COQ2: variants seen among roughly 807,000 people sequenced by gnomAD.
COQ2 encodes coenzyme Q2, polyprenyltransferase.
COQ2 carries 25 observed loss-of-function variants against 35.7 expected under a neutral mutation model. That is an observed-to-expected ratio of 0.70 (90% CI 0.51 to 0.98). The LOEUF (loss-of-function observed/expected upper bound fraction) is 0.98. Among genes scored for constraint, COQ2 ranks in the 50% least tolerant of loss-of-function variants. The pLI is 0.00. For synonymous variants in COQ2, 206 were observed against 186.2 expected (o/e 1.11, Z -0.86); for missense variants, 488 against 473.5 (o/e 1.03, Z -0.28).
chr4:83,269,723 A>T, intron 5 of COQ2, 137 bp downstream of exon 5: 1 of 819,292 alleles, frequency 1.2e-6, no homozygotes, highest in Non-Finnish European at 1.8e-6. Context: ...AGAAAAAAAA[A>T]ATTCTTCCTC....
At chr4:83,266,589 C>T (rs1168346991) in intron 6 of COQ2, 1 of 152,400 alleles carries the variant, frequency 6.6e-6, no homozygotes, top group East Asian at 1.9e-4. Context: ...CTCCTGACCT[C>T]AGGTGATCCA....
chr4:83,283,623 C>G lies in COQ2; in HGVS notation c.253+889G>C, dbSNP rs56767106. On this transcript the variant is annotated intron_variant, in intron 1 of 6. Transcript: ENST00000647002. ...TCACTCATATTTGATCCATATTTTC[C>G]TAGCTCACCAAATAGTCTTTTTCAA... 2.6e-3 allele frequency: 2,531 copies of G among 985,370 alleles called. 67 individuals carry two copies. The African/African-American group carries it at 0.042, about 16-fold the overall frequency. The allele number at this position is 985,370 out of a possible 1,614,324, so 61.0% of individuals were successfully genotyped here. A position where few individuals can be genotyped will look rare whatever the true frequency, so the allele number is the denominator to read the frequency against.
intron 1 of COQ2, chr4:83,282,577 C>T: frequency 2.1e-6 from 2 of 934,934 alleles, no homozygotes; most frequent in Non-Finnish European, 2.6e-6. Context: ...TCCAAACATA[C>T]ACAATCTGTA....
At chr4:83,272,293 T>C (rs1170910277) in intron 3 of COQ2, 121 bp from the exon 4 acceptor site, 1 of 529,084 alleles carries the variant, frequency 1.9e-6, no homozygotes, top group African/African-American at 2.0e-5. Context: ...TAAATTATAT[T>C]TTATGTAAGT....
intron 4 of COQ2, among the ~76,000 whole-genome samples, chr4:83,270,849 T>A (rs1356510897): frequency 1.3e-5 from 2 of 152,160 alleles, no homozygotes; most frequent in Non-Finnish European, 2.9e-5. Context: ...GAAGTAAATG[T>A]AGGGGTTCAG....
chr4:83,269,780 A>G lies in COQ2; in HGVS notation c.762+80T>C, dbSNP rs1361794909. ...CTTAAAAAACAACAACAAATTTTAG[A>G]AAAAAATGCTTTCTCCTTAATTTGG... On this transcript the variant is annotated intron_variant, in intron 5 of 6. Transcript: ENST00000647002. 7 of 1,201,390 alleles carry G rather than the reference A, an allele frequency of 5.8e-6. No homozygotes were observed. In the East Asian group the frequency reaches 1.2e-4, roughly 21 times the overall value. The allele number at this position is 1,201,390 out of a possible 1,614,324, so 74.4% of individuals were successfully genotyped here. A position where few individuals can be genotyped will look rare whatever the true frequency, so the allele number is the denominator to read the frequency against.
rs1278001387 is a variant in COQ2, at chr4:83,284,242, G to C, written c.253+270C>G. ...GATGCAGACAGACGTGAAACTGGCG[G>C]GTCCTTTAGGAGACTGTCCCGACTG... On this transcript the variant is annotated intron_variant, in intron 1 of 6. Coordinates refer to ENST00000647002, the MANE Select transcript of COQ2 (RefSeq NM_001358921.2). 4 of 985,348 alleles carry C rather than the reference G, an allele frequency of 4.1e-6. No homozygotes were observed. In the African/African-American group the frequency reaches 5.2e-5, roughly 13 times the overall value. 61.0% of individuals were successfully genotyped at this position (985,348 alleles called of 1,614,324 possible).
intron 2 of COQ2, among the ~76,000 whole-genome samples, chr4:83,276,007 T>C (rs1288302073): frequency 1.5e-5 from 1 of 68,000 alleles, no homozygotes; most frequent in South Asian, 5.2e-4. Flanking sequence ...ATAGAATATA[T>C]ATTATATATA....
In COQ2 at chr4:83,284,782, G is replaced by A; in HGVS notation, c.-18C>T. 7.7e-6 allele frequency: 12 copies of A among 1,564,612 alleles called. No individual in the cohort carries two copies. The highest frequency in any genetic ancestry group is 1.0e-5 in the Non-Finnish European group (12 of 1,162,408). On this transcript the variant is annotated 5_prime_UTR_variant, in exon 1 of 7. Transcript: ENST00000647002. ...CCCAGCATGGCGCTGGTGAGGCCGGGACGAGCTCGGATTGACGTCATTCCC... is the reference window on the plus strand; with the variant it reads ...CCCAGCATGGCGCTGGTGAGGCCGGAACGAGCTCGGATTGACGTCATTCCC...
At chr4:83,272,393 AAC>A (rs1332522451) in intron 3 of COQ2, among the ~76,000 whole-genome samples, 2 of 152,238 alleles carry the variant, frequency 1.3e-5, no homozygotes, top group Non-Finnish European at 2.9e-5. Context: ...AATAATAGCT[AAC>A]ACATACAGTA....
rs558319036 is a variant in COQ2 at position 83,273,237 on chromosome 4, C to G, written c.542+259G>C. ...GCACTTAGAAAACCTATGAAATTGCCTTGTGTCCCTTAGGGAATGTAGTAC... is the reference window on the plus strand; with the variant it reads ...GCACTTAGAAAACCTATGAAATTGCGTTGTGTCCCTTAGGGAATGTAGTAC... On this transcript the variant is annotated intron_variant, in intron 3 of 6. Transcript: ENST00000647002. Among the ~76,000 whole-genome samples, 3 of 152,322 alleles carry G rather than the reference C, an allele frequency of 2.0e-5. 1 individual carries two copies. The South Asian group carries it at 6.2e-4, about 32-fold the overall frequency.
chr4:83,284,539 G>A lies in COQ2; in HGVS notation c.226C>T (p.Arg76Cys), dbSNP rs868158482. 3 of 1,575,430 alleles carry A rather than the reference G, an allele frequency of 1.9e-6. No homozygotes were observed. The highest frequency in any genetic ancestry group is 2.6e-6 in the Non-Finnish European group (3 of 1,162,288). ...ATGGGCTTGTCCAACCGCATGAGGC[G>A]CAAGTACGGCTGCAGGGGGCGGGGC... ...SAPRPLQPYL[R>C]LMRLDKPIGT... Residue 76 changes from arginine (R) to cysteine (C), a missense_variant, in exon 1 of 7, where the codon CGC becomes TGC. By Grantham distance (180) the Arg-to-Cys change is radical. Coordinates refer to ENST00000647002, the MANE Select transcript of COQ2 (RefSeq NM_001358921.2).
chr4:83,265,823 C>T (rs1423967386), intron 6 of COQ2, among the ~76,000 whole-genome samples: 1 of 151,908 alleles, frequency 6.6e-6, no homozygotes, highest in Non-Finnish European at 1.5e-5. Flanking sequence ...CACCACCATG[C>T]CCAGCTAATT....
intron 2 of COQ2, among the ~76,000 whole-genome samples, chr4:83,276,087 T>A (rs1284062239): frequency 7.8e-6 from 1 of 128,918 alleles, no homozygotes; most frequent in Non-Finnish European, 1.6e-5. Flanking sequence ...AATATATATA[T>A]ACATATTCAT....
chr4:83,284,926 A>G (rs780968019), upstream of COQ2: 23 of 1,484,324 alleles, frequency 1.5e-5, no homozygotes, highest in Admixed American at 2.3e-5. Flanking sequence ...GTGGTCGCTT[A>G]CTCTAGGGAG....
At chr4:83,282,546 A>G in intron 1 of COQ2, 1 of 884,390 alleles carries the variant, frequency 1.1e-6, no homozygotes, top group African/African-American at 1.8e-5. Flanking sequence ...ATTTAGAACC[A>G]AACCATGCAG....
At chr4:83,284,483 T>G in intron 1 of COQ2, 29 bp downstream of exon 1, 1 of 1,545,396 alleles carries the variant, frequency 6.5e-7, no homozygotes, top group Non-Finnish European at 8.7e-7. Flanking sequence ...ACTTGCAAAT[T>G]CCCGGGCTGC....
rs575275495 is a variant in COQ2 at position 83,265,901 on chromosome 4, G to C, written c.952-1538C>G. Among the ~76,000 whole-genome samples, 19 of 152,228 alleles carry C rather than the reference G, an allele frequency of 1.2e-4. No individual in the cohort carries two copies. The East Asian group carries it at 3.7e-3, about 30-fold the overall frequency. ...GCTGATCTTGAACTCCTGACCTCAAGTGATCTGCCCACCTCGGCCTCCCAA... is the reference window on the plus strand; with the variant it reads ...GCTGATCTTGAACTCCTGACCTCAACTGATCTGCCCACCTCGGCCTCCCAA... On this transcript the variant is annotated intron_variant, in intron 6 of 6. Coordinates refer to ENST00000647002, the MANE Select transcript of COQ2 (RefSeq NM_001358921.2).
chr4:83,271,630 TG>T (rs1560493233), intron 4 of COQ2, among the ~76,000 whole-genome samples: 1 of 152,140 alleles, frequency 6.6e-6, no homozygotes, highest in African/African-American at 2.4e-5. Flanking sequence ...CTGGGCAACA[TG>T]GCGAAACCCT....
Sources: allele counts gnomAD v4.1 joint callset (sites outside exome capture counted in the v4.1 genomes callset), GRCh38; gene constraint gnomAD v4.1.1; transcripts MANE v1.5; gene names NCBI Gene and HGNC (gene_info 2026-07-23, HGNC 2026-07-21).